GPHN: variants seen among roughly 807,000 people sequenced by gnomAD.
GPHN encodes the protein gephyrin.
A neutral mutation model predicts 95.5 loss-of-function variants in GPHN; 17 were observed. That is an observed-to-expected ratio of 0.18 (90% CI 0.12 to 0.27). The LOEUF (loss-of-function observed/expected upper bound fraction) is 0.27, where lower values mean the gene tolerates loss of function less well. GPHN is among the 10% of genes least tolerant of loss of function. The probability of loss-of-function intolerance (pLI) is 1.00; values close to 1 mark genes in which losing one functional copy is unlikely to be tolerated. For missense variants in GPHN, 660 were observed against 978.1 expected (o/e 0.67, Z 4.34); for synonymous variants, 320 against 322.5 (o/e 0.99, Z 0.08).
the GPHN span, among the ~76,000 whole-genome samples, chr14:67,313,293 TAAC>T: frequency 2.0e-5 from 3 of 152,318 alleles, no homozygotes; most frequent in Non-Finnish European, 4.4e-5. Flanking sequence ...ATGCATCACT[TAAC>T]GACAGGGATA....
chr14:67,467,755 G>T, the GPHN span: 1 of 152,204 alleles, frequency 6.6e-6, no homozygotes. Context: ...CCGGTGGAAG[G>T]TCTCTGCTTA....
intron 8 of GPHN, among the ~76,000 whole-genome samples, chr14:66,944,673 T>C (rs1050448438): frequency 6.6e-6 from 1 of 152,258 alleles, no homozygotes; most frequent in African/African-American, 2.4e-5. Context: ...TGCAGGGCTG[T>C]ATTAACTGCT....
chr14:66,520,526 A>G (rs1566749210), intron 1 of GPHN, among the ~76,000 whole-genome samples: 2 of 152,054 alleles, frequency 1.3e-5, no homozygotes, highest in Non-Finnish European at 1.5e-5. Flanking sequence ...TCGGGAAGAA[A>G]TGTAATCATG....
intron 5 of GPHN, among the ~76,000 whole-genome samples, chr14:66,899,947 A>G (rs1425149224): frequency 6.6e-6 from 1 of 151,912 alleles, no homozygotes; most frequent in Non-Finnish European, 1.5e-5. Context: ...CTTAAAAGTT[A>G]CAGGGCTATT....
intron 1 of GPHN, among the ~76,000 whole-genome samples, chr14:66,623,864 G>A (rs924781691): frequency 1.3e-5 from 2 of 152,140 alleles, no homozygotes; most frequent in Non-Finnish European, 2.9e-5. Context: ...CCCAGGGCTT[G>A]CCAAAAGGGC....
At chr14:67,690,722 G>A in the GPHN span, 3 of 406,848 alleles carry the variant, frequency 7.4e-6, no homozygotes, top group South Asian at 5.1e-5. Flanking sequence ...GGTGGCTCAC[G>A]CCGGTAATCT....
chr14:67,259,664 G>A, the GPHN span, among the ~76,000 whole-genome samples: 3 of 151,578 alleles, frequency 2.0e-5, no homozygotes, highest in East Asian at 3.9e-4. Flanking sequence ...TAATCCCAGC[G>A]CCCTGAGAGG....
chr14:67,027,324 A>C (rs2073978332), intron 10 of GPHN, among the ~76,000 whole-genome samples: 1 of 152,084 alleles, frequency 6.6e-6, no homozygotes, highest in South Asian at 2.1e-4. Context: ...ACAGCGTTTT[A>C]ATAGCTTTCT....
chr14:67,477,353 GC>G, the GPHN span, among the ~76,000 whole-genome samples: 1 of 152,082 alleles, frequency 6.6e-6, no homozygotes, highest in Admixed American at 6.5e-5. Flanking sequence ...TGTTAGGCGT[GC>G]CTTTCTCCTC....
intron 2 of GPHN, among the ~76,000 whole-genome samples, chr14:66,715,988 A>G (rs1465194791): frequency 1.3e-5 from 2 of 151,836 alleles, no homozygotes; most frequent in South Asian, 2.1e-4. Flanking sequence ...CTATATATCT[A>G]TATATATATA....
At chr14:66,569,601 T>C (rs2060597183) in intron 1 of GPHN, among the ~76,000 whole-genome samples, 1 of 151,782 alleles carries the variant, frequency 6.6e-6, no homozygotes, top group South Asian at 2.1e-4. Flanking sequence ...AGGCGGAGGT[T>C]GCAGTGAGCC....
At chr14:66,792,058 T>A (rs1305490017) in intron 3 of GPHN, among the ~76,000 whole-genome samples, 1 of 152,178 alleles carries the variant, frequency 6.6e-6, no homozygotes, top group Non-Finnish European at 1.5e-5. Flanking sequence ...GAGAACAGTA[T>A]GGGGGAAATT....
chr14:66,702,760 A>G (rs1315215180), intron 2 of GPHN, among the ~76,000 whole-genome samples: 3 of 152,150 alleles, frequency 2.0e-5, no homozygotes, highest in Non-Finnish European at 4.4e-5. Context: ...CCAAATGATT[A>G]TAACAACAGC....
chr14:66,762,031 G>A (rs1479681315), intron 2 of GPHN, among the ~76,000 whole-genome samples: 1 of 151,852 alleles, frequency 6.6e-6, no homozygotes, highest in Non-Finnish European at 1.5e-5. Context: ...CCTTTTAAAA[G>A]TTATTATGTG....
the GPHN span, among the ~76,000 whole-genome samples, chr14:67,212,598 A>ATAT: frequency 7.4e-6 from 1 of 135,910 alleles, no homozygotes; most frequent in African/African-American, 2.8e-5. Context: ...TGAAAAAAAA[A>ATAT]ATATATATAT....
At chr14:66,636,708 T>G (rs1220233493) in intron 1 of GPHN, among the ~76,000 whole-genome samples, 1 of 152,134 alleles carries the variant, frequency 6.6e-6, no homozygotes, top group Non-Finnish European at 1.5e-5. Context: ...AAAGTCAGAT[T>G]GGTAAGGACC....
chr14:66,797,087 G>C lies in GPHN; in HGVS notation c.201+20566G>C, dbSNP rs776698762. ...TTCCCAGCACCATTCATTGAAGAAA[G>C]AGTTTTTTTCCAGTGTGTGTTCTTG... On this transcript the variant is annotated intron_variant, in intron 3 of 22. Transcript: ENST00000478722. Among the ~76,000 whole-genome samples the C allele has an allele frequency of 4.5e-4, 57 of 125,802 alleles. 2 individuals carry two copies. Among genetic ancestry groups the C allele is most frequent in the Non-Finnish European group, 8.7e-4 (54 of 61,782 alleles). The allele number at this position is 125,802 out of a possible 152,430, so 82.5% of individuals were successfully genotyped here. A position where few individuals can be genotyped will look rare whatever the true frequency, so the allele number is the denominator to read the frequency against.
intron 1 of GPHN, among the ~76,000 whole-genome samples, chr14:66,510,536 A>C (rs898009208): frequency 1.3e-5 from 2 of 152,238 alleles, no homozygotes; most frequent in Admixed American, 6.5e-5. Flanking sequence ...CAAATGAAGA[A>C]ACATTGTATG....
intron 11 of GPHN, among the ~76,000 whole-genome samples, chr14:67,077,451 C>T (rs888565778): frequency 6.6e-6 from 1 of 152,114 alleles, no homozygotes; most frequent in Admixed American, 6.6e-5. Context: ...AGGATGTAAC[C>T]TCATTGTAAA....
Sources: gnomAD v4.1 joint callset for allele counts (sites outside exome capture counted in the v4.1 genomes callset) on GRCh38, gnomAD v4.1.1 for gene constraint, MANE v1.5 for transcripts, NCBI Gene and HGNC (gene_info 2026-07-23, HGNC 2026-07-21) for gene names.